Variants in ABCA2 observed in about 807,000 individuals in gnomAD.
ABCA2 encodes ATP binding cassette subfamily A member 2.
A neutral mutation model predicts 262.8 loss-of-function variants in ABCA2; 84 were observed. The observed-to-expected ratio is 0.32, with a 90% CI of 0.27 to 0.38. The LOEUF (loss-of-function observed/expected upper bound fraction) is 0.38. ABCA2 is among the 10% of genes least tolerant of loss of function. The pLI, the probability that ABCA2 is intolerant of heterozygous loss-of-function variation, is 1.00. For synonymous variants in ABCA2, 1,696 were observed against 1,502.9 expected (o/e 1.13, Z -2.97); for missense variants, 2,662 against 3,405.9 (o/e 0.78, Z 5.44).
chr9:137,015,895 G>T (rs753852159), intron 22 of ABCA2, 24 bp from the exon 23 acceptor site: 1 of 1,607,584 alleles, frequency 6.2e-7, no homozygotes, highest in Non-Finnish European at 8.5e-7. Flanking sequence ...GTGGGGCATG[G>T]GGCTGCTGCT....
In ABCA2 at chr9:137,012,119, G is replaced by A. The variant is rs1341688522; in HGVS notation, c.5343C>T (p.Ser1781=). 2 of 1,612,450 alleles carry A rather than the reference G, an allele frequency of 1.2e-6. No homozygotes were observed. Among genetic ancestry groups the A allele is most frequent in the East Asian group, 2.2e-5 (1 of 44,852 alleles). Residue 1781 remains serine (S), a synonymous_variant, in exon 34 of 49, where the codon AGC becomes AGT. Coordinates refer to ENST00000341511, the MANE Select transcript of ABCA2 (RefSeq NM_001606.5). Reference sequence around the variant, plus strand: ...ACACTTACAGGTAATCCAGGGAGAGGCTGGCGCTGGTCTTATTCATGGGGT... The same window carrying A: ...ACACTTACAGGTAATCCAGGGAGAGACTGGCGCTGGTCTTATTCATGGGGT... The part of the protein sequence containing the change: ...TNHPMNKTSA[S]LSLDYLLQGT...
In ABCA2 at chr9:137,013,259, G is replaced by T; in HGVS notation, c.4610C>A (p.Ser1537Ter). 1 of 1,593,060 alleles carries T rather than the reference G, an allele frequency of 6.3e-7. No homozygotes were observed. The highest frequency in any genetic ancestry group is 8.5e-7 in the Non-Finnish European group (1 of 1,174,818). Residue 1537 changes from serine (S) to a stop codon, truncating the protein, a stop_gained, in exon 30 of 49, where the codon TCG becomes TAG. Transcript: ENST00000341511. LOFTEE classifies it high-confidence loss of function. ...QQLVSTFRLP[S>*]GVGATCVLKS... The stretch of plus-strand genomic sequence containing the variant: ...GAGCACGCAGGTGGCACCCACCCCC[G>T]ACGGCAGCCGGAACGTGCTCACGAG...
intron 1 of ABCA2, among the ~76,000 whole-genome samples, chr9:137,026,479 G>C (rs1338313732): frequency 6.6e-6 from 1 of 152,208 alleles, no homozygotes; most frequent in Non-Finnish European, 1.5e-5. Flanking sequence ...GCCTGGCAAG[G>C]ACTCAGCCTC....
rs768594701 is a variant in ABCA2 at position 137,012,813 on chromosome 9, C to T, written c.4980G>A (p.Pro1660=). 3.4e-5 allele frequency: 54 copies of T among 1,608,742 alleles called. No individual in the cohort carries two copies. The highest frequency in any genetic ancestry group is 2.4e-4 in the African/African-American group (18 of 74,876). ...FSCPSSVGGH[P]PQMRVVTGDI... Reference sequence around the variant, plus strand: ...CGCCTGTGACCACCCGCATCTGGGGCGGGTGCCCGCCCACACTGCTGGGGC... The same window carrying T: ...CGCCTGTGACCACCCGCATCTGGGGTGGGTGCCCGCCCACACTGCTGGGGC... The change falls in exon 31 of 49, where the codon CCG becomes CCA. Residue 1660 remains proline, a synonymous_variant. Transcript: ENST00000341511.
rs776922797 is a variant in ABCA2 at position 137,020,359 on chromosome 9, C to G, written c.1402G>C (p.Glu468Gln). 6.2e-7 allele frequency: 1 copy of G among 1,612,854 alleles called. No individual in the cohort carries two copies. Among genetic ancestry groups the G allele is most frequent in the Non-Finnish European group, 8.5e-7 (1 of 1,179,992 alleles). ...ACCTTGAGGATGACGCGGTCGACCT[C>G]AGAGCCCGCAGGCGCGTACAGGATT... ...PKILYAPAGS[E>Q]VDRVILKANE... Residue 468 changes from glutamate (E) to glutamine (Q), a missense_variant, in exon 10 of 49, where the codon GAG becomes CAG. Coordinates refer to ENST00000341511, the MANE Select transcript of ABCA2 (RefSeq NM_001606.5).
At chr9:137,028,870 C>T (rs755182632), upstream of ABCA2, 10 of 1,328,228 alleles carry the variant, frequency 7.5e-6, no homozygotes, top group Non-Finnish European at 8.9e-6. The surrounding 1 kb of genome is among the most constrained non-coding windows in gnomAD (Gnocchi z 6.9). Flanking sequence ...TTTTTCTCCC[C>T]ATATTCGGGC....
At position 137,013,997 on chromosome 9, in the gene ABCA2, G is replaced by A. The variant is rs376746889; in HGVS notation, c.4282C>T (p.Arg1428Cys). Residue 1428 changes from arginine to cysteine, a missense_variant, in exon 28 of 49, where the codon CGC becomes TGC. Transcript: ENST00000341511. ...TTCAGCCACCCGCCGTCCAGCTTGCGGCTGCCCTGGCCGACCCTCGACAGG... is the reference window on the plus strand; with the variant it reads ...TTCAGCCACCCGCCGTCCAGCTTGCAGCTGCCCTGGCCGACCCTCGACAGG... ...EALSRVGQGS[R>C]KLDGGWLKVR... 4.0e-5 allele frequency: 65 copies of A among 1,611,890 alleles called. No individual in the cohort carries two copies. Among genetic ancestry groups the A allele is most frequent in the Non-Finnish European group, 4.9e-5 (58 of 1,179,872 alleles).
chr9:137,014,176 C>A lies in ABCA2; in HGVS notation c.4232G>T (p.Ser1411Ile). 1 of 1,607,424 alleles carries A rather than the reference C, an allele frequency of 6.2e-7. No homozygotes were observed. The highest frequency in any genetic ancestry group is 8.5e-7 in the Non-Finnish European group (1 of 1,177,248). Residue 1411 changes from serine to isoleucine, a missense_variant, in exon 27 of 49, where the codon AGC (serine) becomes ATC (isoleucine). Transcript: ENST00000341511. ...CACCCTGCCACCCCCACCTTGCAGGCTGACATTGTCTGGGTCCTGTGGGTT... is the reference window on the plus strand; with the variant it reads ...CACCCTGCCACCCCCACCTTGCAGGATGACATTGTCTGGGTCCTGTGGGTT... ...FDNPQDPDNV[S>I]LQEVEAEALS...
intron 9 of ABCA2, 43 bp from the exon 10 acceptor site, chr9:137,020,538 A>T: frequency 6.4e-7 from 1 of 1,550,982 alleles, no homozygotes; most frequent in South Asian, 1.2e-5. Context: ...GTTAGGGGGC[A>T]GGGCCGCGAG....
upstream of ABCA2, chr9:137,028,824 C>A: frequency 7.6e-7 from 1 of 1,308,028 alleles, no homozygotes; most frequent in Non-Finnish European, 1.0e-6. The surrounding 1 kb of genome is among the most constrained non-coding windows in gnomAD (Gnocchi z 6.9). Flanking sequence ...GCGGAGCAGG[C>A]AGGGGACCGA....
Position 137,015,778 on chromosome 9 carries a change from G to C in ABCA2, c.3411C>G (p.Ala1137=), listed in dbSNP as rs1831237097. The C allele has an allele frequency of 6.2e-7, 1 of 1,612,326 alleles. No homozygotes were observed. Among genetic ancestry groups the C allele is most frequent in the African/African-American group, 1.3e-5 (1 of 74,950 alleles). Residue 1137 remains alanine (A), a synonymous_variant, in exon 23 of 49, where the codon GCC becomes GCG. Transcript: ENST00000341511. ...TGATGGCGCGAGAGCCGCCCACGAA[G>C]GCGATGGCCACGGACAGCTTGCGCT... The part of the protein sequence containing the change: ...GMKRKLSVAI[A]FVGGSRAIIL...
At position 137,014,205 on chromosome 9, in the gene ABCA2, A is replaced by G. The variant is rs1251058369; in HGVS notation, c.4203T>C (p.Phe1401=). 2 of 1,609,152 alleles carry G rather than the reference A, an allele frequency of 1.2e-6. No individual in the cohort carries two copies. Among genetic ancestry groups the G allele is most frequent in the Non-Finnish European group, 1.7e-6 (2 of 1,178,328 alleles). ...TDVYGDYRPL[F]DNPQDPDNVS... ...CATTGTCTGGGTCCTGTGGGTTATC[A>G]AAGAGGGGGCGGTAGTCGCCATAGA... Residue 1401 remains phenylalanine (F), a synonymous_variant, in exon 27 of 49, where the codon TTT becomes TTC. Coordinates refer to ENST00000341511, the MANE Select transcript of ABCA2 (RefSeq NM_001606.5).
intron 1 of ABCA2, among the ~76,000 whole-genome samples, chr9:137,027,149 A>G (rs1831679337): frequency 6.6e-6 from 1 of 152,342 alleles, no homozygotes; most frequent in African/African-American, 2.4e-5. Context: ...GGCCTGGACA[A>G]TCCCAAGGGC....
In ABCA2 at chr9:137,015,427, C is replaced by A; in HGVS notation, c.3684G>T (p.Pro1228=). Residue 1228 remains proline (P), a synonymous_variant, in exon 24 of 49, where the codon CCG becomes CCT. Transcript: ENST00000341511. ...RLTLVKRPAE[P]GGPQEPGLAS... Reference sequence around the variant, plus strand: ...TTCAACACAGACCTTGGGGGCCCCCCGGCTCGGCGGGCCGCTTGACCAGCG... The same window carrying A: ...TTCAACACAGACCTTGGGGGCCCCCAGGCTCGGCGGGCCGCTTGACCAGCG... 1.3e-6 allele frequency: 2 copies of A among 1,567,156 alleles called. No individual in the cohort carries two copies. Among genetic ancestry groups the A allele is most frequent in the Non-Finnish European group, 1.7e-6 (2 of 1,157,764 alleles).
At position 137,009,398 on chromosome 9, in the gene ABCA2, G is replaced by A. The variant is rs1489901490; in HGVS notation, c.6799C>T (p.Leu2267=). The A allele has an allele frequency of 1.5e-6, 2 of 1,367,526 alleles. No individual in the cohort carries two copies. The highest frequency in any genetic ancestry group is 1.9e-6 in the Non-Finnish European group (2 of 1,031,032). 84.7% of individuals were successfully genotyped at this position (1,367,526 alleles called of 1,614,324 possible). The part of the protein sequence containing the change: ...AIMVNGRLRC[L]GSIQHLKNRF... ...TTCTTCAGGTGCTGGATGCTGCCCA[G>A]GCACCGCAGGCGACCGTTCACCATG... Residue 2267 remains leucine, a synonymous_variant, in exon 45 of 49, where the codon CTG becomes TTG. Transcript: ENST00000341511.
In ABCA2 at chr9:137,016,747, C is replaced by T. The variant is rs763874105; in HGVS notation, c.2759-9G>A. ...GGGCAGCCCGTACATGCCTGGGGGT[C>T]GGGGAGGGGAGGGGAGGCTGACCTA... On this transcript the variant is annotated splice_polypyrimidine_tract_variant and intron_variant, in intron 19 of 48. Coordinates refer to ENST00000341511, the MANE Select transcript of ABCA2 (RefSeq NM_001606.5). 41 of 1,513,190 alleles carry T rather than the reference C, an allele frequency of 2.7e-5. No individual in the cohort carries two copies. Among genetic ancestry groups the T allele is most frequent in the Middle Eastern group, 3.7e-4 (2 of 5,472 alleles). The allele number at this position is 1,513,190 out of a possible 1,614,324, so 93.7% of individuals were successfully genotyped here.
At position 137,014,981 on chromosome 9, in the gene ABCA2, T is replaced by C; in HGVS notation, c.3814A>G (p.Ser1272Gly). Residue 1272 changes from serine to glycine, a missense_variant, in exon 25 of 49, where the codon AGC becomes GGC. By Grantham distance (56) the Ser-to-Gly change is moderately conservative. This residue lies in a region of ABCA2 where 297 missense variants were observed against 286.5 expected (regional missense o/e 1.04). Coordinates refer to ENST00000341511, the MANE Select transcript of ABCA2 (RefSeq NM_001606.5). ...VASCLLVSDT[S>G]TELSYILPSE... Reference sequence around the variant, plus strand: ...GGCAGGATGTAGGAGAGCTCCGTGCTTGTGTCTGAGACCAGCAGGCAGGAG... The same window carrying C: ...GGCAGGATGTAGGAGAGCTCCGTGCCTGTGTCTGAGACCAGCAGGCAGGAG... 1 of 1,585,136 alleles carries C rather than the reference T, an allele frequency of 6.3e-7. No homozygotes were observed. Among genetic ancestry groups the C allele is most frequent in the Non-Finnish European group, 8.6e-7 (1 of 1,165,600 alleles).
At chr9:137,014,549 C>T (rs893214177) in intron 26 of ABCA2, 141 bp downstream of exon 26, 54 of 1,464,996 alleles carry the variant, frequency 3.7e-5, no homozygotes, top group Middle Eastern at 4.6e-4. Context: ...CACCTAGGAC[C>T]GCAGGCTAAC....
rs1210671562 is a variant in ABCA2 at position 137,018,305 on chromosome 9, C to T, written c.1866G>A (p.Val622=). ...TGGAGTTCTGGCGGATCTTGTAGTG[C>T]ACGTGAGGCGGGAGCGAGCCGTCCT... is the stretch of plus-strand genomic sequence containing the variant. ...TRKDGSLPPH[V]HYKIRQNSSF... The change falls in exon 14 of 49, where the codon GTG becomes GTA. Residue 622 remains valine (V), a synonymous_variant. Transcript: ENST00000341511. The T allele has an allele frequency of 1.2e-5, 19 of 1,606,544 alleles. No homozygotes were observed. In the African/African-American group the frequency reaches 1.6e-4, roughly 14 times the overall value.
Sources: gnomAD v4.1 joint callset for allele counts (sites outside exome capture counted in the v4.1 genomes callset) on GRCh38, gnomAD v4.1.1 for gene constraint, gnomAD v4.1.1 regional missense constraint, Gnocchi (gnomAD v3.1) non-coding constraint, MANE v1.5 for transcripts, NCBI Gene and HGNC (gene_info 2026-07-23, HGNC 2026-07-21) for gene names.